The following TNPO1 variants were observed in gnomAD, a reference collection of about 807,000 sequenced individuals.
TNPO1 encodes the protein transportin 1.
A neutral mutation model predicts 119.5 loss-of-function variants in TNPO1; 8 were observed. The observed-to-expected ratio is 0.07, with a 90% confidence interval of 0.04 to 0.12. TNPO1 has a LOEUF of 0.12. TNPO1 is among the 10% of genes least tolerant of loss of function. The probability of loss-of-function intolerance (pLI) is 1.00; values close to 1 mark genes in which losing one functional copy is unlikely to be tolerated. For synonymous variants in TNPO1, 362 were observed against 363.0 expected (o/e 1.00, Z 0.03); for missense variants, 576 against 1,089.8 (o/e 0.53, Z 6.64).
At chr5:72,830,291 C>T (rs571089490) in intron 1 of TNPO1, among the ~76,000 whole-genome samples, 9 of 152,158 alleles carry the variant, frequency 5.9e-5, no homozygotes, top group East Asian at 1.9e-4. Context: ...GTGTGATTCC[C>T]GTAGAGTTTA....
intron 20 of TNPO1, 44 bp from the exon 21 acceptor site, chr5:72,899,962 T>G: frequency 6.5e-7 from 1 of 1,533,414 alleles, no homozygotes; most frequent in Non-Finnish European, 9.0e-7. Flanking sequence ...GCTCATGTCT[T>G]GGTTGGCGTT....
Position 72,887,228 on chromosome 5 carries a change from C to G in TNPO1, c.1303+6C>G. The G allele has an allele frequency of 6.2e-7, 1 of 1,608,264 alleles. No individual in the cohort carries two copies. Among genetic ancestry groups the G allele is most frequent in the Non-Finnish European group, 8.5e-7 (1 of 1,176,950 alleles). Reference sequence around the variant, plus strand: ...TTTAGGAGCAATTGCTGAAGGTAAGCCTAAGTCCAGTTTGAATTATGTAAG... The same window carrying G: ...TTTAGGAGCAATTGCTGAAGGTAAGGCTAAGTCCAGTTTGAATTATGTAAG... On this transcript the variant is annotated splice_donor_region_variant and intron_variant, in intron 12 of 24. Transcript: ENST00000337273.
chr5:72,829,570 C>A (rs1580365214), intron 1 of TNPO1, among the ~76,000 whole-genome samples: 1 of 152,184 alleles, frequency 6.6e-6, no homozygotes, highest in Non-Finnish European at 1.5e-5. Flanking sequence ...TGGAGAATTT[C>A]AGTAGCAAGT....
chr5:72,889,165 C>G (rs1174656935), intron 13 of TNPO1, among the ~76,000 whole-genome samples: 1 of 152,154 alleles, frequency 6.6e-6, no homozygotes, highest in Non-Finnish European at 1.5e-5. Flanking sequence ...TCAAGCAATT[C>G]TCCTGCCTCT....
At chr5:72,892,484 A>G (rs1038313790) in intron 15 of TNPO1, among the ~76,000 whole-genome samples, 5 of 152,082 alleles carry the variant, frequency 3.3e-5, no homozygotes, top group African/African-American at 1.2e-4. Flanking sequence ...TAAATTTTCT[A>G]TGACCAAGAG....
intron 1 of TNPO1, chr5:72,848,155 C>G: frequency 3.3e-6 from 4 of 1,210,662 alleles, no homozygotes; most frequent in Non-Finnish European, 4.1e-6. Context: ...GCTCGGCGGC[C>G]GCGGCGGCAG....
chr5:72,878,553 T>C (rs1472941016), intron 9 of TNPO1: 1 of 154,350 alleles, frequency 6.5e-6, no homozygotes, highest in Non-Finnish European at 1.5e-5. Flanking sequence ...TATGGTCAAC[T>C]GAGTTTTTTC....
chr5:72,861,585 G>A (rs1394740582), intron 4 of TNPO1, among the ~76,000 whole-genome samples: 1 of 152,096 alleles, frequency 6.6e-6, no homozygotes. Flanking sequence ...TGTATTTTTA[G>A]TAGTGAGAGG....
Position 72,897,066 on chromosome 5 carries a change from G to A in TNPO1, c.2253G>A (p.Met751Ile), listed in dbSNP as rs1173345222. The change falls in exon 20 of 25, where the codon ATG becomes ATA. Residue 751 changes from methionine to isoleucine, a missense_variant. Around this residue, in one of 6 missense-constraint regions of TNPO1, gnomAD observed 162 missense variants for 294.1 expected, o/e 0.55. Coordinates refer to ENST00000337273, the MANE Select transcript of TNPO1 (RefSeq NM_002270.4). The stretch of plus-strand genomic sequence containing the variant: ...TGGGATGATCTCTAGGTATAGAGAT[G>A]CAGCCTTATATTCCTATGGTGTTGC... ...GEISIQMGIE[M>I]QPYIPMVLHQ... 2 of 1,594,812 alleles carry A rather than the reference G, an allele frequency of 1.3e-6. No individual in the cohort carries two copies. Among genetic ancestry groups the A allele is most frequent in the Non-Finnish European group, 1.7e-6 (2 of 1,173,872 alleles).
chr5:72,911,762 C>A lies in TNPO1; in HGVS notation c.*3089C>A, dbSNP rs1032946937. On this transcript the variant is annotated 3_prime_UTR_variant, in exon 25 of 25. Coordinates refer to ENST00000337273, the MANE Select transcript of TNPO1 (RefSeq NM_002270.4). ...TGCTCAACTACAGAAATAGCCGCTG[C>A]TAAGTGATGTAGATTTTCTACTTGA... The A allele has an allele frequency of 3.9e-5, 6 of 152,560 alleles. No individual in the cohort carries two copies. The highest frequency in any genetic ancestry group is 1.4e-4 in the African/African-American group (6 of 41,458). The allele number at this position is 152,560 out of a possible 1,614,324, so 9.5% of individuals were successfully genotyped here.
intron 1 of TNPO1, among the ~76,000 whole-genome samples, chr5:72,823,823 C>T (rs1193007632): frequency 6.6e-6 from 1 of 152,154 alleles, no homozygotes; most frequent in East Asian, 1.9e-4. Context: ...TGGCCACAAA[C>T]CTTAAGTGGG....
At chr5:72,886,999 T>C in intron 11 of TNPO1, 71 bp from the exon 12 acceptor site, 1 of 1,351,200 alleles carries the variant, frequency 7.4e-7, no homozygotes, top group Non-Finnish European at 9.9e-7. Context: ...AATAAAATGT[T>C]ACATATACAA....
intron 1 of TNPO1, among the ~76,000 whole-genome samples, chr5:72,825,096 C>G (rs774179739): frequency 3.9e-5 from 6 of 152,124 alleles, no homozygotes; most frequent in Non-Finnish European, 5.9e-5. Flanking sequence ...CCTATCATGC[C>G]TCACTGCTTC....
intron 22 of TNPO1, 111 bp from the exon 23 acceptor site, chr5:72,903,598 C>T: frequency 1.4e-6 from 1 of 696,322 alleles, no homozygotes; most frequent in Non-Finnish European, 2.4e-6. Context: ...TTAAATGTTT[C>T]CTTTTTTAAG....
At chr5:72,886,963 T>A in intron 11 of TNPO1, 107 bp from the exon 12 acceptor site, 5 of 1,049,926 alleles carry the variant, frequency 4.8e-6, no homozygotes, top group Non-Finnish European at 6.4e-6. Flanking sequence ...TGAATTCTTA[T>A]TTTAAAACTC....
intron 2 of TNPO1, among the ~76,000 whole-genome samples, chr5:72,850,034 A>G (rs1014066947): frequency 2.6e-5 from 4 of 152,234 alleles, no homozygotes; most frequent in Non-Finnish European, 5.9e-5. Flanking sequence ...CCTGGAACTT[A>G]GTATGTCCTC....
At chr5:72,883,604 T>C (rs1358486655) in intron 11 of TNPO1, among the ~76,000 whole-genome samples, 3 of 152,256 alleles carry the variant, frequency 2.0e-5, no homozygotes, top group Admixed American at 6.5e-5. Context: ...TATTGTGAAA[T>C]AATATTTCAT....
intron 1 of TNPO1, among the ~76,000 whole-genome samples, chr5:72,830,463 A>G (rs920466265): frequency 6.6e-6 from 1 of 152,218 alleles, no homozygotes; most frequent in Non-Finnish European, 1.5e-5. Context: ...TTAAATTAAT[A>G]GGTTAAGAAA....
intron 24 of TNPO1, among the ~76,000 whole-genome samples, chr5:72,906,895 T>C (rs539188966): frequency 3.6e-4 from 55 of 152,326 alleles, no homozygotes; most frequent in Admixed American, 1.6e-3. Flanking sequence ...AATTAAGACA[T>C]ATCTGACTGG....
Sources: allele counts gnomAD v4.1 joint callset (sites outside exome capture counted in the v4.1 genomes callset), GRCh38; gene constraint gnomAD v4.1.1; regional missense constraint gnomAD v4.1.1; transcripts MANE v1.5; gene names NCBI Gene and HGNC (gene_info 2026-07-23, HGNC 2026-07-21).